DOP1B: variants seen among roughly 807,000 people sequenced by gnomAD.
The protein encoded by DOP1B is protein DOP1B.
A neutral mutation model predicts 233.5 loss-of-function variants in DOP1B; 174 were observed. The observed-to-expected ratio is 0.75, with a 90% CI of 0.66 to 0.85. The LOEUF (loss-of-function observed/expected upper bound fraction) is 0.85, where lower values mean the gene tolerates loss of function less well. DOP1B is among the 40% of genes least tolerant of loss of function. DOP1B has a pLI of 0.00. For missense variants in DOP1B, 2,652 were observed against 2,846.6 expected (o/e 0.93, Z 1.56); for synonymous variants, 1,190 against 1,185.6 (o/e 1.00, Z -0.08).
chr21:36,177,703 G>A (rs1213653735), intron 2 of DOP1B, among the ~76,000 whole-genome samples: 1 of 152,184 alleles, frequency 6.6e-6, no homozygotes, highest in East Asian at 1.9e-4. Flanking sequence ...AGAGAGGCCT[G>A]AGCTAGCATT....
intron 9 of DOP1B, among the ~76,000 whole-genome samples, chr21:36,216,720 A>G (rs1165677647): frequency 6.6e-6 from 1 of 152,170 alleles, no homozygotes; most frequent in African/African-American, 2.4e-5. Flanking sequence ...TTGCAAGCCT[A>G]AGAATGTCAT....
intron 2 of DOP1B, among the ~76,000 whole-genome samples, chr21:36,168,523 A>G (rs985701205): frequency 9.9e-5 from 15 of 151,670 alleles, no homozygotes; most frequent in Admixed American, 3.3e-4. Flanking sequence ...CATCCTCACC[A>G]ATACTTATTT....
intron 30 of DOP1B, among the ~76,000 whole-genome samples, chr21:36,279,107 C>T (rs567126015): frequency 6.6e-6 from 1 of 151,930 alleles, no homozygotes; most frequent in South Asian, 2.1e-4. Flanking sequence ...GGGCCTTTTC[C>T]TGAGATAAAG....
At chr21:36,158,243 C>T (rs36078622) in intron 1 of DOP1B, among the ~76,000 whole-genome samples, 6,030 of 152,254 alleles carry the variant, frequency 0.04, 165 homozygotes, top group Non-Finnish European at 0.058. Flanking sequence ...GTATAACTGT[C>T]GGTTTTACTG....
chr21:36,238,833 T>A, intron 17 of DOP1B, 132 bp downstream of exon 17: 1 of 846,608 alleles, frequency 1.2e-6, no homozygotes, highest in Non-Finnish European at 1.9e-6. Context: ...CCGGGTGTGG[T>A]GGCTCACGCC....
intron 10 of DOP1B, 146 bp downstream of exon 10, chr21:36,219,638 C>T (rs922185641): frequency 3.4e-6 from 4 of 1,161,068 alleles, no homozygotes; most frequent in African/African-American, 3.1e-5. Context: ...ATAATCAATG[C>T]GTTGAAGTCA....
intron 27 of DOP1B, among the ~76,000 whole-genome samples, chr21:36,275,079 A>G (rs980304359): frequency 6.6e-6 from 1 of 152,032 alleles, no homozygotes; most frequent in Non-Finnish European, 1.5e-5. Context: ...TCCTGACCTC[A>G]AGCGATCTGC....
At chr21:36,227,202 C>T (rs1256038494) in intron 12 of DOP1B, among the ~76,000 whole-genome samples, 2 of 144,896 alleles carry the variant, frequency 1.4e-5, no homozygotes, top group African/African-American at 2.6e-5. Flanking sequence ...AGTGAGACTT[C>T]ATCTCAAAAA....
In DOP1B at chr21:36,179,637, A is replaced by G. The variant is rs148078387; in HGVS notation, c.138+14766A>G. On this transcript the variant is annotated intron_variant, in intron 2 of 36. Coordinates refer to ENST00000691173, the MANE Select transcript of DOP1B (RefSeq NM_001320714.2). ...AATATAATGCACACACAGCCATGGA[A>G]CCAAGTAGACTGGTAGTTACTAACA... 1.4e-4 allele frequency among the ~76,000 whole-genome samples: 22 copies of G among 152,290 alleles called. No individual in the cohort carries two copies. The East Asian group carries it at 3.7e-3, about 25-fold the overall frequency.
At chr21:36,176,097 C>CGTGTGCGTGTGTGTGTGTGTGTGT (rs375729449) in intron 2 of DOP1B, among the ~76,000 whole-genome samples, 7 of 141,742 alleles carry the variant, frequency 4.9e-5, no homozygotes, top group African/African-American at 1.8e-4. Context: ...GGTGTGTGTG[C>CGTGTGCGTGTGTGTGTGTGTGTGT]GTGTGTGTGT....
chr21:36,174,792 G>T (rs994297880), intron 2 of DOP1B, among the ~76,000 whole-genome samples: 2 of 152,178 alleles, frequency 1.3e-5, no homozygotes, highest in East Asian at 3.9e-4. Context: ...GAGCCACCGT[G>T]CCTGGCCGGG....
In DOP1B at chr21:36,208,832, G is replaced by C; in HGVS notation, c.609G>C (p.Val203=). The C allele has an allele frequency of 5.0e-6, 8 of 1,600,624 alleles. No homozygotes were observed. In the East Asian group the frequency reaches 6.8e-5, roughly 14 times the overall value. ...TCCGCCTCCCTGCCTCAGTCTTCGT[G>C]GTGGGCCACATCAACAGGGATGCCC... The part of the protein sequence containing the change: ...PSIRLPASVF[V]VGHINRDAPG... Residue 203 remains valine, a synonymous_variant, in exon 5 of 37, where the codon GTG becomes GTC. Transcript: ENST00000691173.
intron 24 of DOP1B, chr21:36,262,051 T>G (rs1236738237): frequency 1.2e-6 from 1 of 833,006 alleles, no homozygotes; most frequent in Non-Finnish European, 1.4e-6. Flanking sequence ...CAGTTAACAT[T>G]ACATAGTTAT....
At chr21:36,289,688 T>A (rs1237285483) in intron 35 of DOP1B, among the ~76,000 whole-genome samples, 1 of 152,160 alleles carries the variant, frequency 6.6e-6, no homozygotes, top group Admixed American at 6.6e-5. Flanking sequence ...CAGAGGCTAT[T>A]TCTCTCTCTC....
intron 35 of DOP1B, 45 bp downstream of exon 35, chr21:36,289,251 T>C (rs1249049260): frequency 6.3e-7 from 1 of 1,588,392 alleles, no homozygotes; most frequent in African/African-American, 1.4e-5. Context: ...TAAGAGATTT[T>C]GTTTTTTCCT....
chr21:36,261,087 A>T, intron 24 of DOP1B: 1 of 1,015,766 alleles, frequency 9.8e-7, no homozygotes. Context: ...GAAATGGGCC[A>T]GGCGCGGTGG....
At chr21:36,283,067 G>A (rs1300179358) in intron 32 of DOP1B, among the ~76,000 whole-genome samples, 1 of 148,326 alleles carries the variant, frequency 6.7e-6, no homozygotes, top group African/African-American at 2.5e-5. Flanking sequence ...AGGTGGCAAA[G>A]TTGACATTCT....
chr21:36,236,937 G>A (rs543782145), intron 15 of DOP1B, among the ~76,000 whole-genome samples: 9 of 151,680 alleles, frequency 5.9e-5, no homozygotes, highest in South Asian at 2.1e-4. Flanking sequence ...GGTGCCCGCC[G>A]CCACACCTGG....
At chr21:36,203,454 G>C (rs1271013224) in intron 4 of DOP1B, among the ~76,000 whole-genome samples, 3 of 152,178 alleles carry the variant, frequency 2.0e-5, no homozygotes. Flanking sequence ...TGTAATCCCA[G>C]CTATTTGGAA....
Sources: allele counts gnomAD v4.1 joint callset (sites outside exome capture counted in the v4.1 genomes callset), GRCh38; gene constraint gnomAD v4.1.1; transcripts MANE v1.5; gene names NCBI Gene and HGNC (gene_info 2026-07-23, HGNC 2026-07-21).